The following AGO3 variants were observed in gnomAD, a reference collection of about 807,000 sequenced individuals.
AGO3 encodes the protein argonaute RISC catalytic component 3, also known as protein argonaute-3.
A neutral mutation model predicts 105.5 loss-of-function variants in AGO3; 16 were observed. The ratio of observed to expected loss-of-function variants is 0.15; its 90% confidence interval spans 0.10 to 0.23. The LOEUF is 0.23. AGO3 is among the 10% of genes least tolerant of loss of function. The pLI is 1.00. For missense variants in AGO3, 534 were observed against 1,088.0 expected, an observed-to-expected ratio of 0.49 and a Z score of 7.16; for synonymous variants, 340 against 367.3, an observed-to-expected ratio of 0.93 and a Z score of 0.85.
chr1:35,978,956 T>C (rs1040116131), intron 5 of AGO3, among the ~76,000 whole-genome samples: 7 of 152,220 alleles, frequency 4.6e-5, no homozygotes, highest in African/African-American at 1.7e-4. Context: ...CAAATTTCAT[T>C]TGTATTTCCT....
chr1:36,022,255 C>T (rs1641271949), intron 11 of AGO3, among the ~76,000 whole-genome samples: 1 of 151,708 alleles, frequency 6.6e-6, no homozygotes, highest in Non-Finnish European at 1.5e-5. Flanking sequence ...TTTGTAGAGA[C>T]AAAATCTCAC....
intron 2 of AGO3, among the ~76,000 whole-genome samples, 156 bp from the exon 3 acceptor site, chr1:35,966,799 T>G (rs938915901): frequency 2.0e-5 from 3 of 152,238 alleles, no homozygotes; most frequent in Non-Finnish European, 2.9e-5. Flanking sequence ...ATCTTTTTGG[T>G]GTCTTAAGCC....
Position 36,008,125 on chromosome 1 carries a change from G to C in AGO3, c.794-565G>C, listed in dbSNP as rs1640421158. ...TTTGATTTTTAATAGTATTGGAAAA[G>C]AGCTGTGTCACTATATTATACCTCT... On this transcript the variant is annotated intron_variant, in intron 6 of 18. Coordinates refer to ENST00000373191, the MANE Select transcript of AGO3 (RefSeq NM_024852.4). The surrounding 1 kb of genome is among the most constrained non-coding windows in gnomAD (Gnocchi z 5.1). 6.6e-6 allele frequency among the ~76,000 whole-genome samples: 1 copy of C among 152,182 alleles called. No homozygotes were observed. The highest frequency in any genetic ancestry group is 1.5e-5 in the Non-Finnish European group (1 of 68,036).
In AGO3 at chr1:36,058,568, C is replaced by A. The variant is rs1326332569; in HGVS notation, c.*2823C>A. The A allele has an allele frequency of 1.3e-5, 2 of 152,030 alleles. No individual in the cohort carries two copies. Among genetic ancestry groups the A allele is most frequent in the East Asian group, 3.9e-4 (2 of 5,192 alleles). 9.4% of individuals were successfully genotyped at this position (152,030 alleles called of 1,614,324 possible). ...ATTTAGATCTTTAGTTTCTCTCTTA[C>A]CTGTAATCCACTATTATTGCCAATT... is the stretch of plus-strand genomic sequence containing the variant. On this transcript the variant is annotated 3_prime_UTR_variant, in exon 19 of 19. Transcript: ENST00000373191.
chr1:36,013,918 C>A lies in AGO3; in HGVS notation c.1276C>A (p.Arg426=). 6.2e-7 allele frequency: 1 copy of A among 1,608,770 alleles called. No individual in the cohort carries two copies. Among genetic ancestry groups the A allele is most frequent in the Admixed American group, 1.7e-5 (1 of 59,510 alleles). ...TTATTTTTTTCTCCTCGTGTAGAAT[C>A]GGACAGTAGCAACACCGAGCCATGG... ...APMLQYGGRN[R]TVATPSHGVW... is the part of the protein sequence containing the mutation. Residue 426 remains arginine (R), a synonymous_variant, in exon 11 of 19, where the codon CGG becomes AGG. Coordinates refer to ENST00000373191, the MANE Select transcript of AGO3 (RefSeq NM_024852.4).
intron 16 of AGO3, 117 bp from the exon 17 acceptor site, chr1:36,043,330 C>A: frequency 1.3e-6 from 1 of 755,880 alleles, no homozygotes; most frequent in Non-Finnish European, 2.2e-6. Flanking sequence ...AGTCATATTT[C>A]AAGGTGAAAG....
chr1:35,962,598 C>G (rs1571437583), intron 2 of AGO3, among the ~76,000 whole-genome samples: 1 of 149,152 alleles, frequency 6.7e-6, no homozygotes, highest in South Asian at 2.1e-4. Flanking sequence ...CAAGAACAGA[C>G]AAACAGAACA....
At chr1:35,979,611 C>A (rs924198154) in intron 5 of AGO3, among the ~76,000 whole-genome samples, 1 of 151,936 alleles carries the variant, frequency 6.6e-6, no homozygotes, top group Non-Finnish European at 1.5e-5. Flanking sequence ...TTATTAATAT[C>A]TTTCTGTTTC....
At chr1:36,021,741 C>G (rs1641236022) in intron 11 of AGO3, among the ~76,000 whole-genome samples, 1 of 152,128 alleles carries the variant, frequency 6.6e-6, no homozygotes, top group Non-Finnish European at 1.5e-5. Context: ...TGAAATAAGT[C>G]ATTCATTTAG....
Position 36,064,091 on chromosome 1 carries a change from G to T in AGO3, c.*8346G>T, listed in dbSNP as rs1643056864. On this transcript the variant is annotated 3_prime_UTR_variant, in exon 19 of 19. Transcript: ENST00000373191. Reference sequence around the variant, plus strand: ...TGGTATGTTAACTTTTAAAATAAAAGTACATGGGCTGGGCGCAGTGGCTAA... The same window carrying T: ...TGGTATGTTAACTTTTAAAATAAAATTACATGGGCTGGGCGCAGTGGCTAA... 6.6e-6 allele frequency: 1 copy of T among 151,822 alleles called. No individual in the cohort carries two copies. Among genetic ancestry groups the T allele is most frequent in the Non-Finnish European group, 1.5e-5 (1 of 67,982 alleles). The allele number at this position is 151,822 out of a possible 1,614,324, so 9.4% of individuals were successfully genotyped here.
chr1:36,047,778 C>T (rs764118681), intron 17 of AGO3, among the ~76,000 whole-genome samples: 3 of 151,878 alleles, frequency 2.0e-5, no homozygotes, highest in Non-Finnish European at 4.4e-5. Context: ...CTACTCGGGA[C>T]TGAGGCAGGA....
chr1:35,935,794 A>G (rs1646136395), intron 1 of AGO3, among the ~76,000 whole-genome samples: 2 of 152,240 alleles, frequency 1.3e-5, no homozygotes. Context: ...ATACTTGAGG[A>G]TCTACCTGAA....
intron 17 of AGO3, among the ~76,000 whole-genome samples, chr1:36,051,558 A>G (rs1198152434): frequency 1.3e-5 from 2 of 152,086 alleles, no homozygotes; most frequent in African/African-American, 4.8e-5. Context: ...CATCTCTACA[A>G]AAAATAAAAA....
intron 5 of AGO3, among the ~76,000 whole-genome samples, chr1:35,979,028 T>A (rs1647001899): frequency 6.6e-6 from 1 of 152,178 alleles, no homozygotes; most frequent in African/African-American, 2.4e-5. Context: ...CTTTTTGTTT[T>A]CTGGATTTGT....
intron 1 of AGO3, among the ~76,000 whole-genome samples, chr1:35,933,640 CAAAAAAAAAAAAAAAAAAA>C (rs34254758): frequency 3.2e-5 from 1 of 31,388 alleles, no homozygotes; most frequent in Non-Finnish European, 7.1e-5. Flanking sequence ...GACCCTGTCT[CAAAAAAAAAAAAAAAAAAA>C]AAAAAAAAAA....
chr1:35,984,311 G>T (rs1302090157), intron 5 of AGO3, among the ~76,000 whole-genome samples: 2 of 152,026 alleles, frequency 1.3e-5, no homozygotes. Context: ...CTCCAGCCTG[G>T]GCAACAGAGT....
intron 4 of AGO3, 46 bp downstream of exon 4, chr1:35,972,278 A>G: frequency 1.3e-6 from 2 of 1,586,438 alleles, no homozygotes; most frequent in Non-Finnish European, 1.7e-6. Flanking sequence ...AACTCCCAAG[A>G]ATGAATTGTG....
At position 36,056,289 on chromosome 1, in the gene AGO3, T is replaced by C. The variant is rs576719751; in HGVS notation, c.*544T>C. 1 of 152,484 alleles carries C rather than the reference T, an allele frequency of 6.6e-6. No homozygotes were observed. Among genetic ancestry groups the C allele is most frequent in the African/African-American group, 2.4e-5 (1 of 41,586 alleles). The allele number at this position is 152,484 out of a possible 1,614,324, so 9.4% of individuals were successfully genotyped here. A position where few individuals can be genotyped will look rare whatever the true frequency, so the allele number is the denominator to read the frequency against. On this transcript the variant is annotated 3_prime_UTR_variant, in exon 19 of 19. Coordinates refer to ENST00000373191, the MANE Select transcript of AGO3 (RefSeq NM_024852.4). ...AATAGATATATATGTGTCTGTTATATATTTTAGAGTTCATTCCATTGGGGA... is the reference window on the plus strand; with the variant it reads ...AATAGATATATATGTGTCTGTTATACATTTTAGAGTTCATTCCATTGGGGA...
At chr1:36,043,729 G>T (rs186670205) in intron 17 of AGO3, among the ~76,000 whole-genome samples, 181 bp downstream of exon 17, 11 of 152,234 alleles carry the variant, frequency 7.2e-5, no homozygotes, top group Middle Eastern at 3.4e-3. Flanking sequence ...GAGGGGCTTA[G>T]GAACTTATTT....
Sources: allele counts gnomAD v4.1 joint callset (sites outside exome capture counted in the v4.1 genomes callset), GRCh38; gene constraint gnomAD v4.1.1; non-coding constraint Gnocchi (gnomAD v3.1); transcripts MANE v1.5; gene names NCBI Gene and HGNC (gene_info 2026-07-23, HGNC 2026-07-21).